Variants in CCDC42 observed in about 807,000 individuals in gnomAD.
CCDC42 encodes coiled-coil domain containing 42.
CCDC42 carries 38 observed loss-of-function variants against 40.8 expected under a neutral mutation model. That is an observed-to-expected ratio of 0.93 (90% CI 0.72 to 1.22). The LOEUF is 1.22. Among genes scored for constraint, CCDC42 ranks in the 50% most tolerant of loss-of-function variants. The pLI is 0.00. For missense variants in CCDC42, 379 were observed against 416.5 expected (o/e 0.91, Z 0.78); for synonymous variants, 135 against 157.5 (o/e 0.86, Z 1.07).
chr17:8,734,886 T>C (rs1364197109), intron 6 of CCDC42, among the ~76,000 whole-genome samples: 1 of 152,148 alleles, frequency 6.6e-6, no homozygotes, highest in African/African-American at 2.4e-5. Flanking sequence ...AAAATGTAAA[T>C]TCATGAGTTC....
At chr17:8,736,317 A>C (rs1258945830) in intron 4 of CCDC42, among the ~76,000 whole-genome samples, 1 of 152,134 alleles carries the variant, frequency 6.6e-6, no homozygotes, top group Non-Finnish European at 1.5e-5. Flanking sequence ...GTATTTGTTC[A>C]TTTACTGAGG....
At chr17:8,741,449 C>T (rs759046598) in intron 4 of CCDC42, 25 bp downstream of exon 4, 18 of 1,607,876 alleles carry the variant, frequency 1.1e-5, no homozygotes, top group South Asian at 1.1e-4. Flanking sequence ...GTGCCAGGGC[C>T]GGCCCCCCTG....
In CCDC42 at chr17:8,741,680, C is replaced by A. The variant is rs765774215; in HGVS notation, c.295-9G>T. ...CGTTTCTGGTCGTTCTCCTGGGGCC[C>A]GGGGAGGTGGCGCTGGTCAGGAAGC... On this transcript the variant is annotated splice_polypyrimidine_tract_variant and intron_variant, in intron 3 of 6. Transcript: ENST00000293845. 42 of 1,610,730 alleles carry A rather than the reference C, an allele frequency of 2.6e-5. No homozygotes were observed. Among genetic ancestry groups the A allele is most frequent in the Non-Finnish European group, 3.5e-5 (41 of 1,179,316 alleles).
At position 8,735,033 on chromosome 17, in the gene CCDC42, C is replaced by G; in HGVS notation, c.873+63G>C. On this transcript the variant is annotated intron_variant, in intron 6 of 6. Coordinates refer to ENST00000293845, the MANE Select transcript of CCDC42 (RefSeq NM_144681.3). This position sits in a 1 kb window ranked among gnomAD's most constrained non-coding sequence, Gnocchi z 4.7. ...CTGTCAGGTTCATTCTTCCACCCAA[C>G]CAACTGGCAACCTCCTCGGCCCAGC... The G allele has an allele frequency of 6.3e-7, 1 of 1,581,362 alleles. No homozygotes were observed. The highest frequency in any genetic ancestry group is 2.2e-5 in the East Asian group (1 of 44,604).
chr17:8,737,706 T>C (rs549832734), intron 4 of CCDC42, among the ~76,000 whole-genome samples: 4 of 152,320 alleles, frequency 2.6e-5, no homozygotes, highest in Admixed American at 2.0e-4. Context: ...AATGGAATCA[T>C]ACGATATAAC....
Position 8,735,489 on chromosome 17 carries a change from G to T in CCDC42, c.615C>A (p.Arg205=). The T allele has an allele frequency of 6.2e-7, 1 of 1,614,096 alleles. No homozygotes were observed. Among genetic ancestry groups the T allele is most frequent in the Non-Finnish European group, 8.5e-7 (1 of 1,180,038 alleles). ...KIERAKARLA[R]YMEEKDDEIL... Reference sequence around the variant, plus strand: ...TCTCATCATCCTTTTCCTCCATGTAGCGCGCCAGCCGGGCCTTGGCGCGCT... The same window carrying T: ...TCTCATCATCCTTTTCCTCCATGTATCGCGCCAGCCGGGCCTTGGCGCGCT... The change falls in exon 5 of 7, where the codon CGC becomes CGA. Residue 205 remains arginine, a synonymous_variant. Coordinates refer to ENST00000293845, the MANE Select transcript of CCDC42 (RefSeq NM_144681.3). This position sits in a 1 kb window ranked among gnomAD's most constrained non-coding sequence, Gnocchi z 4.7.
intron 4 of CCDC42, among the ~76,000 whole-genome samples, chr17:8,737,264 A>G (rs1397517864): frequency 1.3e-5 from 2 of 152,226 alleles, no homozygotes; most frequent in Non-Finnish European, 2.9e-5. Context: ...CAGAGCTACT[A>G]GGAACACACC....
Position 8,743,691 on chromosome 17 carries a change from C to A in CCDC42, c.229G>T (p.Glu77Ter), listed in dbSNP as rs370443896. Residue 77 changes from glutamate (E) to a stop codon, truncating the protein, a stop_gained, in exon 3 of 7, where the codon GAG becomes TAG. Coordinates refer to ENST00000293845, the MANE Select transcript of CCDC42 (RefSeq NM_144681.3). LOFTEE classifies it high-confidence loss of function. ...TGGGCTTCCTTAACGCCCAGTTCCT[C>A]CCAGCGCAGGTTCAGGGTTTCCATT... Reference protein sequence around the residue: ...RRMETLNLRWEELGVKEAQLK... With the variant: ...RRMETLNLRW 6 of 1,613,126 alleles carry A rather than the reference C, an allele frequency of 3.7e-6. No individual in the cohort carries two copies. Among genetic ancestry groups the A allele is most frequent in the Non-Finnish European group, 5.1e-6 (6 of 1,179,248 alleles).
intron 3 of CCDC42, among the ~76,000 whole-genome samples, chr17:8,742,977 C>T (rs2086654124): frequency 6.6e-6 from 1 of 152,210 alleles, no homozygotes; most frequent in African/African-American, 2.4e-5. Flanking sequence ...TCCTGTCCCA[C>T]ACGGCTTAGG....
At chr17:8,739,099 TAAAG>T (rs1373681444) in intron 4 of CCDC42, among the ~76,000 whole-genome samples, 1 of 142,342 alleles carries the variant, frequency 7.0e-6, no homozygotes, top group Non-Finnish European at 1.5e-5. Flanking sequence ...TTGAACAAAA[TAAAG>T]AAGAAAAAAG....
intron 4 of CCDC42, among the ~76,000 whole-genome samples, chr17:8,738,959 G>C (rs981923259): frequency 9.2e-5 from 14 of 152,168 alleles, no homozygotes; most frequent in Non-Finnish European, 2.9e-5. Flanking sequence ...TTCAATTATC[G>C]GTAGTGTTTG....
chr17:8,743,512 G>T (rs376512529), intron 3 of CCDC42, 114 bp downstream of exon 3: 1 of 722,468 alleles, frequency 1.4e-6, no homozygotes, highest in South Asian at 1.5e-5. Flanking sequence ...GAGCACTAAG[G>T]ATGCTTTTTA....
In CCDC42 at chr17:8,744,692, G is replaced by C. The variant is rs2086667995; in HGVS notation, c.-83C>G. The C allele has an allele frequency of 1.1e-6, 1 of 927,576 alleles. No homozygotes were observed. The allele number at this position is 927,576 out of a possible 1,614,324, so 57.5% of individuals were successfully genotyped here. On this transcript the variant is annotated 5_prime_UTR_variant, in exon 1 of 7. Transcript: ENST00000293845. ...CAGAGCCACAGGTGGCTCAGGGGTGGTGGCTGCACTCTTGTTTCTCCCTTC... is the reference window on the plus strand; with the variant it reads ...CAGAGCCACAGGTGGCTCAGGGGTGCTGGCTGCACTCTTGTTTCTCCCTTC...
chr17:8,732,622 G>T (rs558467903), intron 6 of CCDC42, among the ~76,000 whole-genome samples: 71 of 152,316 alleles, frequency 4.7e-4, no homozygotes, highest in South Asian at 1.0e-3. Context: ...GAGTCCTGTG[G>T]TCAAGTCAGT....
rs939496600 is a variant in CCDC42, at chr17:8,735,400, A to G, written c.704T>C (p.Val235Ala). 9 of 1,613,808 alleles carry G rather than the reference A, an allele frequency of 5.6e-6. No homozygotes were observed. The Admixed American group carries it at 1.2e-4, about 21-fold the overall frequency. ...CCCCGGGCCCCTCACCCAGAAGATG[A>G]CATTGCTGCGGGCACGGTCAAAGCG... ...QMRFDRARSN[V>A]IFWESRWAHI... Residue 235 changes from valine (V) to alanine (A), a missense_variant, in exon 5 of 7, where the codon GTC (valine) becomes GCC (alanine). Val to Ala is a moderately conservative substitution (Grantham distance 64). Coordinates refer to ENST00000293845, the MANE Select transcript of CCDC42 (RefSeq NM_144681.3). This position sits in a 1 kb window ranked among gnomAD's most constrained non-coding sequence, Gnocchi z 4.7.
intron 4 of CCDC42, among the ~76,000 whole-genome samples, chr17:8,738,688 A>G (rs1479269860): frequency 1.3e-5 from 2 of 151,930 alleles, no homozygotes; most frequent in Admixed American, 1.3e-4. Flanking sequence ...GTGGTCTCGA[A>G]CTCCTGACCT....
At chr17:8,744,035 C>G (rs201799119) in intron 2 of CCDC42, 44 bp downstream of exon 2, 1 of 1,442,902 alleles carries the variant, frequency 6.9e-7, no homozygotes, top group African/African-American at 1.4e-5. Flanking sequence ...CCAGCCCACC[C>G]CCTTCCTTTC....
chr17:8,739,107 A>T (rs2086627257), intron 4 of CCDC42, among the ~76,000 whole-genome samples: 1 of 152,222 alleles, frequency 6.6e-6, no homozygotes, highest in Admixed American at 6.5e-5. Flanking sequence ...AATAAAGAAG[A>T]AAAAAGAGAA....
rs1295148362 is a variant in CCDC42 at position 8,744,556 on chromosome 17, C to A, written c.54G>T (p.Gln18His). 2.5e-6 allele frequency: 4 copies of A among 1,612,552 alleles called. No homozygotes were observed. Among genetic ancestry groups the A allele is most frequent in the Non-Finnish European group, 8.5e-7 (1 of 1,180,004 alleles). The change falls in exon 1 of 7, where the codon CAG becomes CAT. Residue 18 changes from glutamine to histidine, a missense_variant. Coordinates refer to ENST00000293845, the MANE Select transcript of CCDC42 (RefSeq NM_144681.3). ...GCATCTGCAGCAGCCGCTCCCCATA[C>A]TGCAGCCGGAAGTACTCGGCCAGGT... Reference protein sequence around the residue: ...EEDLAEYFRLQYGERLLQMLQ... With the variant: ...EEDLAEYFRLHYGERLLQMLQ...
Sources: gnomAD v4.1 joint callset for allele counts (sites outside exome capture counted in the v4.1 genomes callset) on GRCh38, gnomAD v4.1.1 for gene constraint, Gnocchi (gnomAD v3.1) non-coding constraint, MANE v1.5 for transcripts, NCBI Gene and HGNC (gene_info 2026-07-23, HGNC 2026-07-21) for gene names.